OLFM2: variants seen among roughly 807,000 people sequenced by gnomAD.
The protein encoded by OLFM2 is olfactomedin 2, also known as noelin-2.
OLFM2 carries 20 observed loss-of-function variants against 43.9 expected under a neutral mutation model. The ratio of observed to expected loss-of-function variants is 0.46; its 90% CI spans 0.32 to 0.66. OLFM2 has a LOEUF of 0.66. Among genes scored for constraint, OLFM2 ranks in the 30% least tolerant of loss-of-function variants. The probability of loss-of-function intolerance (pLI) is 0.04; values close to 1 mark genes in which losing one functional copy is unlikely to be tolerated. For missense variants in OLFM2, 416 were observed against 643.6 expected, an observed-to-expected ratio of 0.65 and a Z score of 3.83; for synonymous variants, 268 against 278.6, an observed-to-expected ratio of 0.96 and a Z score of 0.38.
At chr19:9,913,779 G>GA in intron 1 of OLFM2, 1 of 613,924 alleles carries the variant, frequency 1.6e-6, no homozygotes, top group Non-Finnish European at 2.1e-6. Flanking sequence ...GTGAGGGGGG[G>GA]CTCGGGGACG....
At chr19:9,914,224 C>T (rs1172780144) in intron 1 of OLFM2, among the ~76,000 whole-genome samples, 1 of 152,086 alleles carries the variant, frequency 6.6e-6, no homozygotes. Context: ...GGGCCGGAGT[C>T]GCAAATCCCC....
At chr19:9,880,729 CTTTGA>C (rs2046532749) in intron 1 of OLFM2, among the ~76,000 whole-genome samples, 1 of 152,152 alleles carries the variant, frequency 6.6e-6, no homozygotes, top group Non-Finnish European at 1.5e-5. Context: ...GAAACTAATG[CTTTGA>C]TTTCAGACTT....
At chr19:9,860,477 G>GAAA (rs34449861) in intron 2 of OLFM2, among the ~76,000 whole-genome samples, 168 bp downstream of exon 2, 7 of 137,976 alleles carry the variant, frequency 5.1e-5, no homozygotes, top group African/African-American at 5.4e-5. Context: ...GTGTTAAAAG[G>GAAA]AAAAAAAAAA....
chr19:9,925,862 C>T (rs564074496), intron 1 of OLFM2, among the ~76,000 whole-genome samples: 8 of 151,590 alleles, frequency 5.3e-5, no homozygotes, highest in South Asian at 2.1e-4. Flanking sequence ...AGGCCGGGCG[C>T]GGTGGCTCAC....
chr19:9,854,234 G>T lies in OLFM2; in HGVS notation c.1317C>A (p.Leu439=). ...TGACGTGAAACAGGGTGACATTGTAGAGCACCTGGTGGCCGTTGTTCCAGG... is the reference window on the plus strand; with the variant it reads ...TGACGTGAAACAGGGTGACATTGTATAGCACCTGGTGGCCGTTGTTCCAGG... ...LYTWNNGHQV[L]YNVTLFHVIS... The change falls in exon 6 of 6, where the codon CTC becomes CTA. Residue 439 remains leucine, a synonymous_variant. Coordinates refer to ENST00000264833, the MANE Select transcript of OLFM2 (RefSeq NM_058164.4). This position sits in a 1 kb window ranked among gnomAD's most constrained non-coding sequence, Gnocchi z 9.5. 1 of 1,614,172 alleles carries T rather than the reference G, an allele frequency of 6.2e-7. No individual in the cohort carries two copies. Among genetic ancestry groups the T allele is most frequent in the Non-Finnish European group, 8.5e-7 (1 of 1,180,048 alleles).
chr19:9,910,351 G>A (rs921901613), intron 1 of OLFM2, among the ~76,000 whole-genome samples: 1 of 152,160 alleles, frequency 6.6e-6, no homozygotes, highest in Non-Finnish European at 1.5e-5. Flanking sequence ...CACTAACTGA[G>A]CATCTGCTAT....
intron 1 of OLFM2, among the ~76,000 whole-genome samples, chr19:9,863,111 G>A (rs2046376359): frequency 6.6e-6 from 1 of 152,068 alleles, no homozygotes; most frequent in Non-Finnish European, 1.5e-5. Flanking sequence ...GGAAGTGAGG[G>A]AGGAGCCATT....
Position 9,857,845 on chromosome 19 carries a change from T to A in OLFM2, c.230A>T (p.Gln77Leu), listed in dbSNP as rs755885942. Residue 77 changes from glutamine to leucine, a missense_variant, in exon 3 of 6, where the codon CAG (glutamine) becomes CTG (leucine). By Grantham distance (113) the Gln-to-Leu change is moderately radical. Coordinates refer to ENST00000264833, the MANE Select transcript of OLFM2 (RefSeq NM_058164.4). The surrounding 1 kb of genome is among the most constrained non-coding windows in gnomAD (Gnocchi z 5.7). ...CCGCAACTCAAGGACCTCCATGGAC[T>A]GGGAGACGTTCTGGACCTAGGAATG... ...QLMEKVQNVS[Q>L]SMEVLELRTY... The A allele has an allele frequency of 6.2e-7, 1 of 1,614,056 alleles. No individual in the cohort carries two copies. Among genetic ancestry groups the A allele is most frequent in the Non-Finnish European group, 8.5e-7 (1 of 1,180,018 alleles).
At chr19:9,862,702 C>T (rs1274508521) in intron 1 of OLFM2, among the ~76,000 whole-genome samples, 2 of 151,212 alleles carry the variant, frequency 1.3e-5, no homozygotes, top group Non-Finnish European at 1.5e-5. Context: ...AGGCCAGACG[C>T]GGTGGCTCAC....
chr19:9,879,282 G>A (rs754413794), intron 1 of OLFM2, among the ~76,000 whole-genome samples: 2 of 152,140 alleles, frequency 1.3e-5, no homozygotes, highest in South Asian at 2.1e-4. Flanking sequence ...GCAGGCATGC[G>A]CCACCACGCC....
chr19:9,906,534 C>T (rs1200559515), intron 1 of OLFM2, among the ~76,000 whole-genome samples: 1 of 152,022 alleles, frequency 6.6e-6, no homozygotes, highest in African/African-American at 2.4e-5. Flanking sequence ...CACTGAGGGA[C>T]AAGCGGGAAG....
At chr19:9,889,837 T>A (rs567261468) in intron 1 of OLFM2, among the ~76,000 whole-genome samples, 1 of 152,170 alleles carries the variant, frequency 6.6e-6, no homozygotes, top group South Asian at 2.1e-4. Flanking sequence ...GGAGCTGCAG[T>A]TGAAGCAATG....
At chr19:9,902,042 A>T (rs1377436232) in intron 1 of OLFM2, among the ~76,000 whole-genome samples, 1 of 151,934 alleles carries the variant, frequency 6.6e-6, no homozygotes, top group African/African-American at 2.4e-5. Context: ...ATATATATAT[A>T]TTTCGAGATG....
At chr19:9,913,596 T>C in intron 1 of OLFM2, 1 of 1,306,866 alleles carries the variant, frequency 7.7e-7, no homozygotes, top group Middle Eastern at 3.1e-4. Flanking sequence ...ACGGCCCCGA[T>C]CTTGAGCAGC....
chr19:9,860,933 ATC>A, intron 1 of OLFM2, 139 bp from the exon 2 acceptor site: 2 of 839,186 alleles, frequency 2.4e-6, no homozygotes, highest in Non-Finnish European at 3.6e-6. Flanking sequence ...GTTGTGTGTG[ATC>A]TCAGGCCCTC....
In OLFM2 at chr19:9,902,507, C is replaced by T. The variant is rs571143025; in HGVS notation, c.63+33797G>A. On this transcript the variant is annotated intron_variant, in intron 1 of 5. Transcript: ENST00000264833. ...AAGCGATTCTCCTGCCTCAGCTTCCCGAGTAGCTAGGATTACAGGAACCCA... is the reference window on the plus strand; with the variant it reads ...AAGCGATTCTCCTGCCTCAGCTTCCTGAGTAGCTAGGATTACAGGAACCCA... Among the ~76,000 whole-genome samples the T allele has an allele frequency of 3.0e-4, 45 of 151,930 alleles. No individual in the cohort carries two copies. The East Asian group carries it at 5.2e-3, about 18-fold the overall frequency.
At chr19:9,866,232 T>C (rs1211349704) in intron 1 of OLFM2, among the ~76,000 whole-genome samples, 1 of 152,198 alleles carries the variant, frequency 6.6e-6, no homozygotes, top group African/African-American at 2.4e-5. Flanking sequence ...TAAGTTCAGA[T>C]ATGCAGTTAA....
chr19:9,922,513 G>A (rs1184489683), intron 1 of OLFM2, among the ~76,000 whole-genome samples: 1 of 152,084 alleles, frequency 6.6e-6, no homozygotes, highest in African/African-American at 2.4e-5. Context: ...TTGAGCCCAG[G>A]AGTTGGAGAC....
At chr19:9,897,820 G>A (rs1199120597) in intron 1 of OLFM2, among the ~76,000 whole-genome samples, 1 of 152,056 alleles carries the variant, frequency 6.6e-6, no homozygotes, top group Non-Finnish European at 1.5e-5. Flanking sequence ...CATGGAAGGG[G>A]GTTCGGATCA....
Sources: allele counts gnomAD v4.1 joint callset (sites outside exome capture counted in the v4.1 genomes callset), GRCh38; gene constraint gnomAD v4.1.1; non-coding constraint Gnocchi (gnomAD v3.1); transcripts MANE v1.5; gene names NCBI Gene and HGNC (gene_info 2026-07-23, HGNC 2026-07-21).